Variants in MDGA2 observed in about 807,000 individuals in gnomAD.
MDGA2 encodes MAM domain containing glycosylphosphatidylinositol anchor 2.
A neutral mutation model predicts 117.8 loss-of-function variants in MDGA2; 40 were observed. That is an observed-to-expected ratio of 0.34 (90% CI 0.26 to 0.44). The LOEUF (loss-of-function observed/expected upper bound fraction) is 0.44. Among genes scored for constraint, MDGA2 ranks in the 20% least tolerant of loss-of-function variants. The pLI, the probability that MDGA2 is intolerant of heterozygous loss-of-function variation, is 1.00. For missense variants in MDGA2, 1,123 were observed against 1,250.6 expected (o/e 0.90, Z 1.54); for synonymous variants, 452 against 439.0 (o/e 1.03, Z -0.37).
At chr14:47,461,410 T>C (rs184788942) in intron 1 of MDGA2, among the ~76,000 whole-genome samples, 1 of 152,086 alleles carries the variant, frequency 6.6e-6, no homozygotes, top group East Asian at 1.9e-4. Context: ...AAGAGAATTG[T>C]AAAGCTCTTA....
chr14:47,112,035 A>G (rs1189232241), intron 5 of MDGA2, among the ~76,000 whole-genome samples: 1 of 152,116 alleles, frequency 6.6e-6, no homozygotes, highest in Non-Finnish European at 1.5e-5. Context: ...ACTCTTTATC[A>G]TGAACCTGTA....
chr14:46,925,143 T>A (rs1193726284), intron 9 of MDGA2, among the ~76,000 whole-genome samples: 1 of 152,178 alleles, frequency 6.6e-6, no homozygotes, highest in Non-Finnish European at 1.5e-5. Context: ...ACTGCTGGAG[T>A]GCTTGAAAAG....
chr14:47,509,798 A>G (rs529240397), intron 1 of MDGA2, among the ~76,000 whole-genome samples: 1 of 152,218 alleles, frequency 6.6e-6, no homozygotes, highest in South Asian at 2.1e-4. Flanking sequence ...CAATGTTTGT[A>G]TTTTGGAAAC....
intron 6 of MDGA2, among the ~76,000 whole-genome samples, chr14:47,066,102 C>T (rs1890069102): frequency 6.6e-6 from 1 of 152,142 alleles, no homozygotes; most frequent in Non-Finnish European, 1.5e-5. Context: ...AGCAAAGCAA[C>T]TTAAAAGATA....
chr14:46,924,618 A>G (rs1288044258), intron 9 of MDGA2, among the ~76,000 whole-genome samples: 1 of 152,022 alleles, frequency 6.6e-6, no homozygotes, highest in African/African-American at 2.4e-5. Context: ...TTGCTTTCCT[A>G]CGAGGTGCTG....
At chr14:47,235,761 T>C (rs1011269358) in intron 2 of MDGA2, among the ~76,000 whole-genome samples, 16 of 152,170 alleles carry the variant, frequency 1.1e-4, no homozygotes, top group South Asian at 2.1e-4. Context: ...CATTCCCTGA[T>C]GGGAGAAATA....
chr14:47,427,208 T>C (rs1283046345), intron 1 of MDGA2, among the ~76,000 whole-genome samples: 75 of 152,164 alleles, frequency 4.9e-4, no homozygotes, highest in Non-Finnish European at 1.5e-4. Flanking sequence ...AAAATGGCTT[T>C]AATGTGTCGT....
chr14:47,380,876 C>T lies in MDGA2; in HGVS notation c.281-79326G>A, dbSNP rs977784394. Among the ~76,000 whole-genome samples, 6 of 152,188 alleles carry T rather than the reference C, an allele frequency of 3.9e-5. No individual in the cohort carries two copies. In the South Asian group the frequency reaches 8.3e-4, roughly 21 times the overall value. Reference sequence around the variant, plus strand: ...ACTCATTTTATGAGGCCAGCATCATCCTGATACCAAAGCCTGGCAGAGACA... The same window carrying T: ...ACTCATTTTATGAGGCCAGCATCATTCTGATACCAAAGCCTGGCAGAGACA... On this transcript the variant is annotated intron_variant, in intron 1 of 16. Transcript: ENST00000399232.
intron 3 of MDGA2, among the ~76,000 whole-genome samples, chr14:47,175,743 A>T (rs1884413467): frequency 6.8e-6 from 1 of 146,290 alleles, no homozygotes; most frequent in African/African-American, 2.6e-5. Context: ...CTGGCACAAG[A>T]CAGGGATGCC....
At chr14:47,307,042 A>G (rs2139829335) in intron 1 of MDGA2, among the ~76,000 whole-genome samples, 1 of 152,314 alleles carries the variant, frequency 6.6e-6, no homozygotes, top group East Asian at 1.9e-4. Flanking sequence ...TTAAGTGATC[A>G]TACGCTTTCA....
At chr14:47,173,614 C>T (rs1378496604) in intron 3 of MDGA2, among the ~76,000 whole-genome samples, 1 of 152,054 alleles carries the variant, frequency 6.6e-6, no homozygotes, top group Non-Finnish European at 1.5e-5. Context: ...GATTTTGTCA[C>T]CACCAGGCCT....
intron 1 of MDGA2, among the ~76,000 whole-genome samples, chr14:47,431,592 T>C (rs1350784825): frequency 6.6e-6 from 1 of 152,050 alleles, no homozygotes; most frequent in Non-Finnish European, 1.5e-5. Flanking sequence ...TAACTGTGCT[T>C]TGAAGAAATT....
At chr14:46,938,319 A>G (rs1884858855) in intron 9 of MDGA2, among the ~76,000 whole-genome samples, 1 of 151,860 alleles carries the variant, frequency 6.6e-6, no homozygotes, top group South Asian at 2.1e-4. Context: ...TGGGTGGATC[A>G]CCTGAGGTCA....
chr14:47,031,037 A>C (rs1888646197), intron 8 of MDGA2, among the ~76,000 whole-genome samples: 1 of 152,140 alleles, frequency 6.6e-6, no homozygotes, highest in South Asian at 2.1e-4. Flanking sequence ...CATTATGTAC[A>C]AATTTTAACA....
At chr14:47,443,871 G>T (rs889795750) in intron 1 of MDGA2, among the ~76,000 whole-genome samples, 11 of 152,264 alleles carry the variant, frequency 7.2e-5, no homozygotes, top group Admixed American at 1.3e-4. Flanking sequence ...TCCCAAGGAT[G>T]TTCTTCAATC....
intron 10 of MDGA2, among the ~76,000 whole-genome samples, chr14:46,906,232 C>G (rs1249857892): frequency 6.6e-6 from 1 of 151,442 alleles, no homozygotes; most frequent in Admixed American, 6.6e-5. Flanking sequence ...ACAATGTATA[C>G]CCCCAAAATG....
At chr14:47,660,988 T>G (rs757692912) in intron 1 of MDGA2, among the ~76,000 whole-genome samples, 3 of 152,144 alleles carry the variant, frequency 2.0e-5, no homozygotes, top group Non-Finnish European at 4.4e-5. Context: ...GAAAACCATA[T>G]GGTATAAAGT....
intron 2 of MDGA2, among the ~76,000 whole-genome samples, chr14:47,291,624 C>T (rs1357256466): frequency 1.3e-5 from 2 of 152,196 alleles, no homozygotes; most frequent in East Asian, 3.9e-4. Flanking sequence ...CATCTGGATA[C>T]ACAGTACGCT....
At chr14:47,491,895 C>A (rs1237057017) in intron 1 of MDGA2, among the ~76,000 whole-genome samples, 1 of 151,802 alleles carries the variant, frequency 6.6e-6, no homozygotes, top group Non-Finnish European at 1.5e-5. Flanking sequence ...CACATTTGAC[C>A]ACAGTGTTGG....
Sources: gnomAD v4.1 joint callset for allele counts (sites outside exome capture counted in the v4.1 genomes callset) on GRCh38, gnomAD v4.1.1 for gene constraint, MANE v1.5 for transcripts, NCBI Gene and HGNC (gene_info 2026-07-23, HGNC 2026-07-21) for gene names.